Variants in SDHD observed in about 807,000 individuals in gnomAD.
The protein encoded by SDHD is succinate dehydrogenase complex subunit D, also known as succinate dehydrogenase [ubiquinone] cytochrome b small subunit, mitochondrial.
A neutral mutation model predicts 18.7 loss-of-function variants in SDHD; 6 were observed. The observed-to-expected ratio is 0.32, with a 90% CI of 0.18 to 0.63. The LOEUF (loss-of-function observed/expected upper bound fraction) is 0.63, where lower values mean the gene tolerates loss of function less well. Among genes scored for constraint, SDHD ranks in the 30% least tolerant of loss-of-function variants. SDHD has a pLI of 0.79. For synonymous variants in SDHD, 56 were observed against 73.9 expected, an observed-to-expected ratio of 0.76 and a Z score of 1.24; for missense variants, 160 against 192.7, an observed-to-expected ratio of 0.83 and a Z score of 1.00.
At chr11:112,089,041 C>T in intron 3 of SDHD, 30 bp downstream of exon 3, 2 of 1,613,456 alleles carry the variant, frequency 1.2e-6, no homozygotes, top group Non-Finnish European at 1.7e-6. Context: ...ATATAGTTGT[C>T]TGCTCAGTTT....
rs113458823 is a variant in SDHD at position 112,093,097 on chromosome 11, C to T, written c.315-1708C>T. 3,927 of 312,158 alleles carry T rather than the reference C, an allele frequency of 0.013. 167 individuals carry two copies. Among genetic ancestry groups the T allele is most frequent in the African/African-American group, 0.095 (3,608 of 38,044 alleles). 19.3% of individuals were successfully genotyped at this position (312,158 alleles called of 1,614,324 possible). A position where few individuals can be genotyped will look rare whatever the true frequency, so the allele number is the denominator to read the frequency against. ...TCGCTCAGGCTGGAGTGCAATGGTG[C>T]GATCTTGGCTCGGCACGATCTCGGC... On this transcript the variant is annotated intron_variant, in intron 3 of 3. Coordinates refer to ENST00000375549, the MANE Select transcript of SDHD (RefSeq NM_003002.4).
At chr11:112,090,948 G>C (rs1017087793) in intron 3 of SDHD, 1 of 189,746 alleles carries the variant, frequency 5.3e-6, no homozygotes, top group Non-Finnish European at 9.8e-6. Flanking sequence ...CTCCCACCTT[G>C]GCCTCCCAAA....
rs75717457 is a variant in SDHD, at chr11:112,094,621, C to T, written c.315-184C>T. On this transcript the variant is annotated intron_variant, in intron 3 of 3. Transcript: ENST00000375549. The stretch of plus-strand genomic sequence containing the variant: ...AGAAAAGTCACTAGAAATAGACTTA[C>T]TGACATACACACGCAAAAGGCTATA... 2.5e-4 allele frequency among the ~76,000 whole-genome samples: 38 copies of T among 152,244 alleles called. No homozygotes were observed. In the East Asian group the frequency reaches 7.1e-3, roughly 29 times the overall value.
rs930768406 is a variant in SDHD at position 112,094,845 on chromosome 11, G to T, written c.355G>T (p.Ala119Ser). The change falls in exon 4 of 4, where the codon GCC becomes TCC. Residue 119 changes from alanine (A) to serine (S), a missense_variant. Transcript: ENST00000375549. ...TGTTACTGACTATGTTCATGGGGAT[G>T]CCTTGCAGAAAGCTGCCAAGGCAGG... is the stretch of plus-strand genomic sequence containing the variant. ...QVVTDYVHGD[A>S]LQKAAKAGLL... 2 of 1,612,012 alleles carry T rather than the reference G, an allele frequency of 1.2e-6. No homozygotes were observed. Among genetic ancestry groups the T allele is most frequent in the Middle Eastern group, 2.3e-4 (1 of 4,430 alleles).
At chr11:112,094,107 A>C (rs745943326) in intron 3 of SDHD, among the ~76,000 whole-genome samples, 1 of 152,094 alleles carries the variant, frequency 6.6e-6, no homozygotes, top group Admixed American at 6.6e-5. Context: ...TCTTTAAAGA[A>C]ATAAAAAACA....
intron 3 of SDHD, 69 bp from the exon 4 acceptor site, chr11:112,094,727 TGCAGCCAAG>T: frequency 7.5e-7 from 1 of 1,328,482 alleles, no homozygotes; most frequent in Admixed American, 1.9e-5. Context: ...ATTGTTTTTT[TGCAGCCAAG>T]TTATCTGTAT....
rs956792116 is a variant in SDHD at position 112,088,067 on chromosome 11, G to A, written c.169+94G>A. On this transcript the variant is annotated intron_variant, in intron 2 of 3. Coordinates refer to ENST00000375549, the MANE Select transcript of SDHD (RefSeq NM_003002.4). ...TTAGCAGGACTTCCTACCTGTAGGG[G>A]GGACTCTTGTGTCCAACTTTGTCAA... 7 of 892,268 alleles carry A rather than the reference G, an allele frequency of 7.8e-6. No individual in the cohort carries two copies. The African/African-American group carries it at 1.1e-4, about 15-fold the overall frequency. The allele number at this position is 892,268 out of a possible 1,614,324, so 55.3% of individuals were successfully genotyped here. A position where few individuals can be genotyped will look rare whatever the true frequency, so the allele number is the denominator to read the frequency against.
rs1418133798 is a variant in SDHD, at chr11:112,095,090, C to T, written c.*120C>T. The T allele has an allele frequency of 2.6e-6, 2 of 776,406 alleles. No individual in the cohort carries two copies. Among genetic ancestry groups the T allele is most frequent in the African/African-American group, 3.4e-5 (2 of 58,376 alleles). The allele number at this position is 776,406 out of a possible 1,614,324, so 48.1% of individuals were successfully genotyped here. A position where few individuals can be genotyped will look rare whatever the true frequency, so the allele number is the denominator to read the frequency against. On this transcript the variant is annotated 3_prime_UTR_variant, in exon 4 of 4. Coordinates refer to ENST00000375549, the MANE Select transcript of SDHD (RefSeq NM_003002.4). ...AAGTCCATTGGTGGACAGCCTTCTT[C>T]TCTTAATCACAAGATTATTTTCAGA...
chr11:112,089,360 C>T (rs1181172572), intron 3 of SDHD, among the ~76,000 whole-genome samples: 5 of 152,140 alleles, frequency 3.3e-5, no homozygotes, highest in African/African-American at 1.2e-4. Context: ...TGGTCATTAT[C>T]CTTGACTCTA....
intron 3 of SDHD, among the ~76,000 whole-genome samples, chr11:112,092,039 G>A (rs1211232436): frequency 1.3e-5 from 2 of 152,164 alleles, no homozygotes; most frequent in Non-Finnish European, 2.9e-5. Flanking sequence ...CTGCACTCCA[G>A]CCTGGGTGAC....
chr11:112,094,094 G>A (rs555452353), intron 3 of SDHD, among the ~76,000 whole-genome samples: 77 of 151,892 alleles, frequency 5.1e-4, no homozygotes, highest in African/African-American at 1.5e-3. Context: ...TGGTGAGACC[G>A]CATCTTTAAA....
intron 1 of SDHD, 45 bp from the exon 2 acceptor site, chr11:112,087,812 T>C (rs200264701): frequency 3.1e-6 from 4 of 1,270,486 alleles, no homozygotes; most frequent in Non-Finnish European, 4.6e-6. Flanking sequence ...GTCAGTCCTG[T>C]TAAAGGAGAG....
intron 3 of SDHD, among the ~76,000 whole-genome samples, chr11:112,089,475 C>T (rs1175607638): frequency 1.3e-5 from 2 of 152,206 alleles, no homozygotes; most frequent in East Asian, 3.8e-4. Context: ...CTTCTCAAAA[C>T]CCTATTTTGT....
chr11:112,094,779 T>G (rs1424757689), intron 3 of SDHD, 26 bp from the exon 4 acceptor site: 1 of 1,602,062 alleles, frequency 6.2e-7, no homozygotes, highest in Non-Finnish European at 8.5e-7. Context: ...TTTTTATTGA[T>G]GTTATGATTT....
intron 3 of SDHD, 48 bp downstream of exon 3, chr11:112,089,059 G>A: frequency 6.2e-7 from 1 of 1,607,142 alleles, no homozygotes; most frequent in South Asian, 1.1e-5. Context: ...TTTGTTTGCT[G>A]TGAGCTTGTC....
In SDHD at chr11:112,094,798, T is replaced by A. The variant is rs760679986; in HGVS notation, c.315-7T>A. Reference sequence around the variant, plus strand: ...TATTGATGTTATGATTTTTTCTTTTTCTTTAGGGGCCTTGGACAAGTTGTT... The same window carrying A: ...TATTGATGTTATGATTTTTTCTTTTACTTTAGGGGCCTTGGACAAGTTGTT... On this transcript the variant is annotated splice_polypyrimidine_tract_variant and splice_region_variant and intron_variant, in intron 3 of 3. Transcript: ENST00000375549. The A allele has an allele frequency of 5.6e-6, 9 of 1,610,754 alleles. No homozygotes were observed. In the South Asian group the frequency reaches 9.9e-5, roughly 18 times the overall value.
chr11:112,091,256 T>C (rs1865740990), intron 3 of SDHD: 1 of 214,788 alleles, frequency 4.7e-6, no homozygotes, highest in African/African-American at 2.3e-5. Flanking sequence ...CTATATAACT[T>C]AGGTTATTCT....
At chr11:112,089,526 G>C (rs1865705965) in intron 3 of SDHD, among the ~76,000 whole-genome samples, 1 of 152,180 alleles carries the variant, frequency 6.6e-6, no homozygotes. Context: ...AGGGTTGTCT[G>C]TAGACTCTAC....
At chr11:112,094,508 A>G (rs1171623396) in intron 3 of SDHD, among the ~76,000 whole-genome samples, 1 of 152,212 alleles carries the variant, frequency 6.6e-6, no homozygotes, top group Non-Finnish European at 1.5e-5. Flanking sequence ...CAGGAGGATC[A>G]CTTGAGCTCA....
Sources: allele counts gnomAD v4.1 joint callset (sites outside exome capture counted in the v4.1 genomes callset), GRCh38; gene constraint gnomAD v4.1.1; transcripts MANE v1.5; gene names NCBI Gene and HGNC (gene_info 2026-07-23, HGNC 2026-07-21).